GPC5: variants seen among roughly 807,000 people sequenced by gnomAD.
GPC5 encodes glypican 5, also known as glypican-5.
GPC5 carries 47 observed loss-of-function variants against 53.9 expected under a neutral mutation model. The observed-to-expected ratio is 0.87, with a 90% CI of 0.69 to 1.11. The LOEUF (loss-of-function observed/expected upper bound fraction) is 1.11, where lower values mean the gene tolerates loss of function less well. GPC5 is among the 50% of genes most tolerant of loss of function. The probability of loss-of-function intolerance (pLI) is 0.00; values close to 1 mark genes in which losing one functional copy is unlikely to be tolerated. For missense variants in GPC5, 748 were observed against 713.1 expected, an observed-to-expected ratio of 1.05 and a Z score of -0.56; for synonymous variants, 286 against 263.3, an observed-to-expected ratio of 1.09 and a Z score of -0.84.
intron 7 of GPC5, among the ~76,000 whole-genome samples, chr13:92,732,951 T>A (rs1888845617): frequency 6.6e-6 from 1 of 151,644 alleles, no homozygotes; most frequent in Non-Finnish European, 1.5e-5. Context: ...TTTTGTCACT[T>A]GCCCCAAGGT....
chr13:92,527,510 C>T (rs966886959), intron 7 of GPC5, among the ~76,000 whole-genome samples: 69 of 151,892 alleles, frequency 4.5e-4, no homozygotes, highest in African/African-American at 1.6e-3. Context: ...ACAAAGGTCA[C>T]CGGTGAGCTT....
intron 5 of GPC5, among the ~76,000 whole-genome samples, chr13:91,819,050 C>T (rs1303947462): frequency 6.6e-6 from 1 of 150,990 alleles, no homozygotes; most frequent in Non-Finnish European, 1.5e-5. Context: ...CACCTAGAAA[C>T]ATGGGCGTAT....
chr13:92,330,106 A>C (rs1926635), intron 7 of GPC5, among the ~76,000 whole-genome samples: 61,620 of 151,960 alleles, frequency 0.41, 12,645 homozygotes, highest in Middle Eastern at 0.51. Context: ...ACTTAAGAGC[A>C]CAGGAATAAC....
intron 2 of GPC5, among the ~76,000 whole-genome samples, chr13:91,482,267 G>C (rs959569353): frequency 6.6e-5 from 10 of 152,210 alleles, no homozygotes; most frequent in Non-Finnish European, 1.3e-4. Flanking sequence ...GCGAGGAACA[G>C]TGTTCTTCCT....
chr13:92,465,405 T>G (rs1165820555), intron 7 of GPC5, among the ~76,000 whole-genome samples: 2 of 152,126 alleles, frequency 1.3e-5, no homozygotes, highest in Non-Finnish European at 2.9e-5. Context: ...TAAGATATTT[T>G]AACATTAGTT....
At chr13:92,771,374 G>T (rs1023306201) in intron 7 of GPC5, among the ~76,000 whole-genome samples, 1 of 151,972 alleles carries the variant, frequency 6.6e-6, no homozygotes, top group Non-Finnish European at 1.5e-5. Context: ...ACAGAGTCTC[G>T]CTCTGTCGCC....
chr13:92,534,573 A>AT (rs939537389), intron 7 of GPC5, among the ~76,000 whole-genome samples: 1 of 152,196 alleles, frequency 6.6e-6, no homozygotes, highest in East Asian at 1.9e-4. Flanking sequence ...AGAAAATGGA[A>AT]TTTTTAGTAA....
chr13:91,841,511 G>A lies in GPC5; in HGVS notation c.1281-66426G>A, dbSNP rs1482423997. Reference sequence around the variant, plus strand: ...CAAAGTAATATACGTGCTAAATGCTGTTTATGTCTTCTTCGTTCTGTTGCC... The same window carrying A: ...CAAAGTAATATACGTGCTAAATGCTATTTATGTCTTCTTCGTTCTGTTGCC... On this transcript the variant is annotated intron_variant, in intron 5 of 7. Transcript: ENST00000377067. Among the ~76,000 whole-genome samples the A allele has an allele frequency of 2.0e-5, 3 of 151,890 alleles. No individual in the cohort carries two copies. The East Asian group carries it at 5.8e-4, about 29-fold the overall frequency.
At chr13:92,358,609 C>T (rs2043541737) in intron 7 of GPC5, among the ~76,000 whole-genome samples, 1 of 151,790 alleles carries the variant, frequency 6.6e-6, no homozygotes, top group South Asian at 2.1e-4. Context: ...CCTCTGAAAT[C>T]TAGGTGGAGG....
intron 7 of GPC5, among the ~76,000 whole-genome samples, chr13:92,543,513 C>T (rs1881998773): frequency 6.6e-6 from 1 of 151,962 alleles, no homozygotes; most frequent in Admixed American, 6.6e-5. Context: ...TAGGGTACTG[C>T]TTCAGCTCAG....
rs144548029 is a variant in GPC5 at position 92,043,115 on chromosome 13, G to A, written c.1402-101715G>A. 7.9e-5 allele frequency among the ~76,000 whole-genome samples: 12 copies of A among 152,110 alleles called. No individual in the cohort carries two copies. The East Asian group carries it at 1.2e-3, about 15-fold the overall frequency. On this transcript the variant is annotated intron_variant, in intron 6 of 7. Transcript: ENST00000377067. Reference sequence around the variant, plus strand: ...TATGAAGGAAAATGAACAGAATATCGAAGACGTGTGACAGAACATTAATTA... The same window carrying A: ...TATGAAGGAAAATGAACAGAATATCAAAGACGTGTGACAGAACATTAATTA...
intron 7 of GPC5, among the ~76,000 whole-genome samples, chr13:92,516,255 A>G (rs1354946071): frequency 6.6e-6 from 1 of 152,172 alleles, no homozygotes; most frequent in East Asian, 1.9e-4. Flanking sequence ...AGAAAATAAT[A>G]ATAATCCATA....
At chr13:92,089,908 A>G (rs2041365906) in intron 6 of GPC5, among the ~76,000 whole-genome samples, 1 of 152,188 alleles carries the variant, frequency 6.6e-6, no homozygotes. Context: ...TAGACACTAT[A>G]TGGTATAAGA....
At chr13:92,847,626 C>T (rs566998305) in intron 7 of GPC5, among the ~76,000 whole-genome samples, 4 of 151,910 alleles carry the variant, frequency 2.6e-5, no homozygotes, top group Admixed American at 2.0e-4. Context: ...AGCCATTAAA[C>T]CTTTTTTTTT....
chr13:91,691,690 G>A (rs2139800257), intron 2 of GPC5, among the ~76,000 whole-genome samples: 1 of 152,256 alleles, frequency 6.6e-6, no homozygotes, highest in South Asian at 2.1e-4. Context: ...TCATGATATT[G>A]CGTTGTTATT....
At chr13:91,822,725 T>C (rs1445076566) in intron 5 of GPC5, among the ~76,000 whole-genome samples, 1 of 152,008 alleles carries the variant, frequency 6.6e-6, no homozygotes, top group Non-Finnish European at 1.5e-5. Context: ...ATTTGGATCA[T>C]AGGGTCAAGC....
At chr13:92,492,154 A>C (rs1462535856) in intron 7 of GPC5, among the ~76,000 whole-genome samples, 3 of 152,228 alleles carry the variant, frequency 2.0e-5, no homozygotes, top group Non-Finnish European at 4.4e-5. Context: ...TTGCAGAAGA[A>C]AAGCATTTTG....
chr13:92,225,676 A>ATG (rs2139093630), intron 7 of GPC5, among the ~76,000 whole-genome samples: 1 of 152,338 alleles, frequency 6.6e-6, no homozygotes, highest in East Asian at 1.9e-4. Flanking sequence ...TTTTTCAAAT[A>ATG]TATATGCATG....
intron 7 of GPC5, among the ~76,000 whole-genome samples, chr13:92,791,596 TACA>T (rs1240104629): frequency 1.3e-5 from 2 of 152,012 alleles, no homozygotes; most frequent in Non-Finnish European, 2.9e-5. Flanking sequence ...GTACCTATTC[TACA>T]CAAAACAGTA....
Sources: gnomAD v4.1 joint callset for allele counts (sites outside exome capture counted in the v4.1 genomes callset) on GRCh38, gnomAD v4.1.1 for gene constraint, MANE v1.5 for transcripts, NCBI Gene and HGNC (gene_info 2026-07-23, HGNC 2026-07-21) for gene names.